The following DDX31 variants were observed in gnomAD, a reference collection of about 807,000 sequenced individuals.
DDX31 encodes the protein ATP-dependent DNA helicase DDX31.
DDX31 carries 70 observed loss-of-function variants against 91.3 expected under a neutral mutation model. That is an observed-to-expected ratio of 0.77 (90% confidence interval 0.63 to 0.94). DDX31 has a LOEUF of 0.94. DDX31 is among the 40% of genes least tolerant of loss of function. The pLI is 0.00. For missense variants in DDX31, 902 were observed against 925.0 expected (o/e 0.98, Z 0.32); for synonymous variants, 362 against 350.6 (o/e 1.03, Z -0.36).
chr9:132,606,196 A>G (rs2119242015), intron 19 of DDX31, among the ~76,000 whole-genome samples: 1 of 152,332 alleles, frequency 6.6e-6, no homozygotes, highest in South Asian at 2.1e-4. Context: ...CTGTCTTTTT[A>G]CAGAATGCTA....
At chr9:132,654,516 G>C (rs11788473) in intron 6 of DDX31, among the ~76,000 whole-genome samples, 3,758 of 152,304 alleles carry the variant, frequency 0.025, 72 homozygotes, top group Non-Finnish European at 0.042. Context: ...AGGAGGCTGA[G>C]ACAGGAGAAT....
chr9:132,622,431 C>A (rs777372787), intron 17 of DDX31, among the ~76,000 whole-genome samples: 2 of 152,190 alleles, frequency 1.3e-5, no homozygotes, highest in Non-Finnish European at 2.9e-5. Flanking sequence ...ACGACTGTAG[C>A]TTGTTGCTGA....
chr9:132,605,809 G>A (rs993006420), intron 19 of DDX31, among the ~76,000 whole-genome samples: 1 of 152,158 alleles, frequency 6.6e-6, no homozygotes, highest in East Asian at 1.9e-4. Context: ...GGGCCTTTGT[G>A]AGGAGGGGGG....
chr9:132,652,168 GTTT>G (rs201190664), intron 7 of DDX31, among the ~76,000 whole-genome samples: 1 of 151,166 alleles, frequency 6.6e-6, no homozygotes, highest in African/African-American at 2.4e-5. Context: ...ATTTCTGTAG[GTTT>G]TTTTTTAGCA....
intron 4 of DDX31, chr9:132,660,949 G>A (rs774131193): frequency 1.7e-5 from 8 of 468,522 alleles, no homozygotes; most frequent in East Asian, 3.8e-5. Context: ...AGAAAACAGC[G>A]GCGCTCATGC....
intron 19 of DDX31, among the ~76,000 whole-genome samples, chr9:132,609,360 C>T (rs1831197668): frequency 6.6e-6 from 1 of 152,218 alleles, no homozygotes; most frequent in Non-Finnish European, 1.5e-5. Flanking sequence ...TGCCCATCTG[C>T]TAGCGAGGGT....
chr9:132,618,236 G>T, intron 18 of DDX31, 94 bp downstream of exon 18: 5 of 993,838 alleles, frequency 5.0e-6, no homozygotes, highest in Non-Finnish European at 7.3e-6. Context: ...CCTCCATGTT[G>T]GCCTCTCAAC....
intron 14 of DDX31, among the ~76,000 whole-genome samples, chr9:132,633,639 A>G (rs1832927051): frequency 6.6e-6 from 1 of 152,008 alleles, no homozygotes; most frequent in South Asian, 2.1e-4. Context: ...ATTTGCTCAT[A>G]TTTCAGTAGG....
At chr9:132,612,455 T>A (rs1831404638) in intron 18 of DDX31, 200 bp from the exon 19 acceptor site, 2 of 590,858 alleles carry the variant, frequency 3.4e-6, no homozygotes, top group Non-Finnish European at 5.9e-6. Flanking sequence ...AGAAAAAAAC[T>A]ACAGGGGGCC....
At chr9:132,667,542 G>A (rs189146458) in intron 1 of DDX31, among the ~76,000 whole-genome samples, 3 of 152,232 alleles carry the variant, frequency 2.0e-5, no homozygotes, top group Admixed American at 6.5e-5. Context: ...GGCAGAGCTT[G>A]CAGTGAGCAG....
At chr9:132,627,048 CAG>C (rs758425777) in intron 16 of DDX31, among the ~76,000 whole-genome samples, 20 of 152,230 alleles carry the variant, frequency 1.3e-4, no homozygotes, top group Non-Finnish European at 2.6e-4. Context: ...AAGGTGAAAA[CAG>C]AGCCCAGTCC....
intron 17 of DDX31, among the ~76,000 whole-genome samples, chr9:132,622,421 A>C (rs561258039): frequency 4.6e-5 from 7 of 152,214 alleles, no homozygotes; most frequent in Admixed American, 2.6e-4. Context: ...CCAAAAAAAA[A>C]CGACTGTAGC....
chr9:132,637,155 C>T (rs1245788630), intron 14 of DDX31, among the ~76,000 whole-genome samples: 1 of 152,108 alleles, frequency 6.6e-6, no homozygotes, highest in African/African-American at 2.4e-5. Flanking sequence ...CCCCGCCCTA[C>T]CCAGGGAGAG....
Position 132,642,790 on chromosome 9 carries a change from T to C in DDX31, c.1381-727A>G, listed in dbSNP as rs557905122. Among the ~76,000 whole-genome samples the C allele has an allele frequency of 6.6e-5, 10 of 152,252 alleles. No individual in the cohort carries two copies. The East Asian group carries it at 1.7e-3, about 26-fold the overall frequency. On this transcript the variant is annotated intron_variant, in intron 13 of 19. Transcript: ENST00000372159. ...ATTCAACTAAATGGATGCACCATTATTTACGTGACCAATGTTGTATTATGG... is the reference window on the plus strand; with the variant it reads ...ATTCAACTAAATGGATGCACCATTACTTACGTGACCAATGTTGTATTATGG...
chr9:132,636,639 G>A (rs1833136078), intron 14 of DDX31, among the ~76,000 whole-genome samples: 1 of 152,194 alleles, frequency 6.6e-6, no homozygotes, highest in South Asian at 2.1e-4. Context: ...CTACCTGGGT[G>A]ACCTAGCTCT....
rs1382946919 is a variant in DDX31 at position 132,594,230 on chromosome 9, G to A, written c.*636C>T. On this transcript the variant is annotated 3_prime_UTR_variant, in exon 20 of 20. Transcript: ENST00000372159. ...GAGTTTTCAGTGGACATGAAAGAGG[G>A]AGCAATGCATGTAAATGCAACCTCG... is the stretch of plus-strand genomic sequence containing the variant. 3 of 152,300 alleles carry A rather than the reference G, an allele frequency of 2.0e-5. No individual in the cohort carries two copies. Among genetic ancestry groups the A allele is most frequent in the Non-Finnish European group, 2.9e-5 (2 of 68,058 alleles). 9.4% of individuals were successfully genotyped at this position (152,300 alleles called of 1,614,324 possible). A position where few individuals can be genotyped will look rare whatever the true frequency, so the allele number is the denominator to read the frequency against.
Position 132,646,894 on chromosome 9 carries a change from G to T in DDX31, c.1132C>A (p.Gln378Lys). 6.2e-7 allele frequency: 1 copy of T among 1,614,192 alleles called. No homozygotes were observed. Among genetic ancestry groups the T allele is most frequent in the Non-Finnish European group, 8.5e-7 (1 of 1,180,048 alleles). ...TTGCTGGGAACCACAGTCACATGCT[G>T]CTTGAGACTCTCTGGTATTGCAAAG... ...DSFAIPESLKQHVTVVPSKLR... is the reference protein window; with the variant it reads ...DSFAIPESLKKHVTVVPSKLR... The change falls in exon 12 of 20, where the codon CAG becomes AAG. Residue 378 changes from glutamine (Q) to lysine (K), a missense_variant. Coordinates refer to ENST00000372159, the MANE Select transcript of DDX31 (RefSeq NM_022779.9).
At chr9:132,637,415 G>A (rs911636516) in intron 14 of DDX31, among the ~76,000 whole-genome samples, 1 of 152,266 alleles carries the variant, frequency 6.6e-6, no homozygotes, top group African/African-American at 2.4e-5. Flanking sequence ...GCCTCCATGA[G>A]ACCTAGGAGT....
chr9:132,630,510 G>A lies in DDX31; in HGVS notation c.1492-107C>T, dbSNP rs929249826. ...CCAGGTATCCCAAGAATTAAATCCT[G>A]GTGCTATGGTTACCCTAACACAATC... On this transcript the variant is annotated intron_variant, in intron 15 of 19. Coordinates refer to ENST00000372159, the MANE Select transcript of DDX31 (RefSeq NM_022779.9). 8 of 1,156,720 alleles carry A rather than the reference G, an allele frequency of 6.9e-6. No homozygotes were observed. The African/African-American group carries it at 1.2e-4, about 18-fold the overall frequency. 71.7% of individuals were successfully genotyped at this position (1,156,720 alleles called of 1,614,324 possible). A position where few individuals can be genotyped will look rare whatever the true frequency, so the allele number is the denominator to read the frequency against.
Sources: allele counts gnomAD v4.1 joint callset (sites outside exome capture counted in the v4.1 genomes callset), GRCh38; gene constraint gnomAD v4.1.1; transcripts MANE v1.5; gene names NCBI Gene and HGNC (gene_info 2026-07-23, HGNC 2026-07-21).